Variants in C11orf65 observed in about 807,000 individuals in gnomAD.
The protein encoded by C11orf65 is protein MFI.
A neutral mutation model predicts 35.3 loss-of-function variants in C11orf65; 38 were observed. That is an observed-to-expected ratio of 1.08 (90% confidence interval 0.83 to 1.41). C11orf65 has a LOEUF of 1.41. Among genes scored for constraint, C11orf65 ranks in the 40% most tolerant of loss-of-function variants. The probability of loss-of-function intolerance (pLI) is 0.00; values close to 1 mark genes in which losing one functional copy is unlikely to be tolerated. For synonymous variants in C11orf65, 105 were observed against 114.4 expected (o/e 0.92, Z 0.53); for missense variants, 370 against 367.1 (o/e 1.01, Z -0.06).
chr11:108,343,051 CTTAAGT>C (rs1333267307), intron 2 of C11orf65, among the ~76,000 whole-genome samples: 13 of 152,108 alleles, frequency 8.5e-5, no homozygotes, highest in Admixed American at 6.6e-5. Context: ...ATTCTTTGAG[CTTAAGT>C]TTATTTCCGA....
chr11:108,468,741 CTG>C (rs923461277), upstream of C11orf65, among the ~76,000 whole-genome samples: 43 of 152,218 alleles, frequency 2.8e-4, no homozygotes, highest in African/African-American at 1.0e-3. Flanking sequence ...GAACAATAAA[CTG>C]TAAAAATATA....
chr11:108,327,680 TC>T, downstream of C11orf65: 1 of 1,614,018 alleles, frequency 6.2e-7, no homozygotes, highest in Non-Finnish European at 8.5e-7. Flanking sequence ...ACACAGAATG[TC>T]TGAGGGTTTG....
chr11:108,329,916 G>A (rs1022890468), downstream of C11orf65, among the ~76,000 whole-genome samples: 2 of 152,196 alleles, frequency 1.3e-5, no homozygotes, highest in Non-Finnish European at 2.9e-5. Flanking sequence ...CTATTTTGAT[G>A]TAATTAAATC....
intron 3 of C11orf65, among the ~76,000 whole-genome samples, chr11:108,414,456 T>C (rs551024324): frequency 1.3e-5 from 2 of 152,156 alleles, no homozygotes; most frequent in East Asian, 3.9e-4. Context: ...CCTCAAATTT[T>C]ATAACCTAGA....
At chr11:108,366,732 C>T (rs2091352561) in intron 2 of C11orf65, 2 of 231,120 alleles carry the variant, frequency 8.7e-6, no homozygotes. Flanking sequence ...CACACTTCCT[C>T]CTCATCTCCT....
At position 108,383,043 on chromosome 11, in the gene C11orf65, G is replaced by C. The variant is rs754638628; in HGVS notation, c.920C>G (p.Pro307Arg). ...ACTTTATAGTCCATAAGTAGAATCA[G>C]GCGTTAATCTAGTTACATTTGGTTC... ...YQEPNVTRLT[P>R]DSTYGL Residue 307 changes from proline (P) to arginine (R), a missense_variant, in exon 9 of 9, where the codon CCT becomes CGT. Transcript: ENST00000393084. 5.6e-6 allele frequency: 9 copies of C among 1,610,690 alleles called. No individual in the cohort carries two copies. In the Admixed American group the frequency reaches 1.4e-4, roughly 24 times the overall value.
intron 2 of C11orf65, among the ~76,000 whole-genome samples, chr11:108,364,316 A>AT (rs944548834): frequency 1.8e-4 from 27 of 152,156 alleles, no homozygotes; most frequent in Non-Finnish European, 3.4e-4. Flanking sequence ...GCTAAAGCCT[A>AT]TTTTTTTTAA....
At chr11:108,318,099 T>C (rs1314778162) in intron 6 of C11orf65, among the ~76,000 whole-genome samples, 1 of 152,164 alleles carries the variant, frequency 6.6e-6, no homozygotes, top group Non-Finnish European at 1.5e-5. Flanking sequence ...CGGTGGCTCA[T>C]GCCTATAATC....
chr11:108,394,452 AATACTT>A (rs1240007221), intron 6 of C11orf65, among the ~76,000 whole-genome samples: 1 of 152,168 alleles, frequency 6.6e-6, no homozygotes, highest in African/African-American at 2.4e-5. Context: ...TGTAGCAGTA[AATACTT>A]ATGAGAGCCA....
intron 1 of C11orf65, among the ~76,000 whole-genome samples, chr11:108,465,064 A>G (rs536206458): frequency 6.6e-6 from 1 of 152,332 alleles, no homozygotes; most frequent in African/African-American, 2.4e-5. Context: ...TTTACCTGTT[A>G]TCAATGTAGT....
intron 2 of C11orf65, among the ~76,000 whole-genome samples, chr11:108,456,294 T>C (rs1353431870): frequency 6.6e-6 from 1 of 152,176 alleles, no homozygotes; most frequent in East Asian, 1.9e-4. Flanking sequence ...TCAAAGGTAT[T>C]TGATCAGTTG....
chr11:108,458,981 C>T (rs993459923), intron 2 of C11orf65, among the ~76,000 whole-genome samples: 5 of 152,122 alleles, frequency 3.3e-5, no homozygotes, highest in Admixed American at 6.5e-5. Flanking sequence ...GGCGCTAGTA[C>T]GAGTATCTTT....
downstream of C11orf65, among the ~76,000 whole-genome samples, chr11:108,329,731 T>TA (rs1322652469): frequency 2.0e-5 from 3 of 152,184 alleles, no homozygotes; most frequent in Admixed American, 2.0e-4. Context: ...CTACTGTAGT[T>TA]AATCACAAAT....
At chr11:108,382,167 C>A (rs1275358407), downstream of C11orf65, among the ~76,000 whole-genome samples, 1 of 152,226 alleles carries the variant, frequency 6.6e-6, no homozygotes, top group Non-Finnish European at 1.5e-5. Context: ...AGCCACCCAA[C>A]TAAACCACTC....
chr11:108,360,747 C>T, intron 2 of C11orf65, among the ~76,000 whole-genome samples: 4 of 125,808 alleles, frequency 3.2e-5, no homozygotes, highest in Non-Finnish European at 4.9e-5. Context: ...AATTCAACAA[C>T]CCTTCATGCT....
At position 108,364,416 on chromosome 11, in the gene C11orf65, A is replaced by G. The variant is rs537106841; in HGVS notation, c.226+28792T>C. Among the ~76,000 whole-genome samples, 108 of 152,252 alleles carry G rather than the reference A, an allele frequency of 7.1e-4. 1 individual carries two copies. The highest frequency in any genetic ancestry group is 2.5e-3 in the African/African-American group (102 of 41,552). On this transcript the variant is annotated intron_variant, in intron 2 of 3. Coordinates refer to the C11orf65 transcript ENST00000524755. ...ATGAACTCACTTTCTAAAATTTACG[A>G]CCTAAAGCTACTTGCTCTAGCCATG...
chr11:108,368,148 C>T (rs372007058), intron 2 of C11orf65: 8 of 207,590 alleles, frequency 3.9e-5, no homozygotes, highest in East Asian at 3.7e-4. Flanking sequence ...ATCAAATTTA[C>T]ATACAGATCA....
intron 2 of C11orf65, among the ~76,000 whole-genome samples, chr11:108,432,894 AAACCACCCTAAAACTT>A (rs1258911372): frequency 3.3e-4 from 50 of 152,324 alleles, no homozygotes; most frequent in Non-Finnish European, 4.7e-4. Flanking sequence ...AATACATAAC[AAACCACCCTAAAACTT>A]AGTGGTTTAG....
chr11:108,390,125 G>A (rs781608331), intron 7 of C11orf65, among the ~76,000 whole-genome samples: 18 of 152,132 alleles, frequency 1.2e-4, no homozygotes, highest in Admixed American at 7.9e-4. Flanking sequence ...CTGGGTTCAC[G>A]CCATTCTCCT....
Sources: gnomAD v4.1 joint callset for allele counts (sites outside exome capture counted in the v4.1 genomes callset) on GRCh38, gnomAD v4.1.1 for gene constraint, MANE v1.5 for transcripts, NCBI Gene and HGNC (gene_info 2026-07-23, HGNC 2026-07-21) for gene names.